Variants in RELB observed in about 807,000 individuals in gnomAD.
RELB encodes RELB proto-oncogene, NF-kB subunit.
A neutral mutation model predicts 55.4 loss-of-function variants in RELB; 14 were observed. The ratio of observed to expected loss-of-function variants is 0.25; its 90% CI spans 0.17 to 0.40. RELB has a LOEUF of 0.40. Among genes scored for constraint, RELB ranks in the 10% least tolerant of loss-of-function variants. The pLI, the probability that RELB is intolerant of heterozygous loss-of-function variation, is 1.00. For synonymous variants in RELB, 409 were observed against 371.3 expected (o/e 1.10, Z -1.17); for missense variants, 669 against 830.7 (o/e 0.81, Z 2.39).
At chr19:45,005,900 G>A (rs1028771886) in intron 2 of RELB, among the ~76,000 whole-genome samples, 5 of 151,964 alleles carry the variant, frequency 3.3e-5, no homozygotes, top group South Asian at 2.1e-4. Context: ...CACCGTGCCC[G>A]GCCAAGGCTG....
intron 4 of RELB, among the ~76,000 whole-genome samples, chr19:45,016,854 CAAACA>C (rs1971425794): frequency 2.7e-5 from 4 of 146,686 alleles, no homozygotes; most frequent in Admixed American, 2.7e-4. Context: ...GTCTTAAAAA[CAAACA>C]AACAAACAAA....
intron 2 of RELB, among the ~76,000 whole-genome samples, chr19:45,004,210 G>A (rs546104862): frequency 7.4e-5 from 11 of 149,462 alleles, no homozygotes; most frequent in Admixed American, 4.7e-4. Flanking sequence ...GAGCCACCTC[G>A]CCTGGCCAGA....
chr19:45,016,953 G>T (rs1971426635), intron 4 of RELB, among the ~76,000 whole-genome samples: 2 of 152,120 alleles, frequency 1.3e-5, no homozygotes, highest in African/African-American at 4.8e-5. Flanking sequence ...CGAATCTTTG[G>T]CAGGATGTTC....
At chr19:45,020,553 C>CTTTTTTTTTTTTTTTTTTTTTTTTTTTT (rs34030158) in intron 4 of RELB, among the ~76,000 whole-genome samples, 1 of 86,554 alleles carries the variant, frequency 1.2e-5, no homozygotes, top group Non-Finnish European at 2.1e-5. Context: ...TGGCACCCAT[C>CTTTTTTTTTTTTTTTTTTTTTTTTTTTT]TTTTTTTTTT....
rs759691046 is a variant in RELB at position 45,019,165 on chromosome 19, C to A, written c.505-2888C>A. On this transcript the variant is annotated intron_variant, in intron 4 of 11. Transcript: ENST00000221452. ...GAAGCCCGGATCTCCAGGGTTCAAG[C>A]AGTTTTCCCATCTTAGCCTCCTGAG... Among the ~76,000 whole-genome samples, 71 of 152,010 alleles carry A rather than the reference C, an allele frequency of 4.7e-4. 1 individual carries two copies. Among genetic ancestry groups the A allele is most frequent in the Non-Finnish European group, 7.5e-4 (51 of 67,994 alleles).
intron 4 of RELB, among the ~76,000 whole-genome samples, chr19:45,017,454 A>AAAAAAAAAAACAAAAAAAAACAAAC (rs1971433294): frequency 6.6e-6 from 1 of 151,050 alleles, no homozygotes; most frequent in African/African-American, 2.4e-5. Context: ...CTGTCTAAAA[A>AAAAAAAAAAACAAAAAAAAACAAAC]AAAAAAAAAC....
At chr19:45,003,925 T>TTG (rs1555724879) in intron 2 of RELB, among the ~76,000 whole-genome samples, 1 of 126,036 alleles carries the variant, frequency 7.9e-6, no homozygotes, top group Non-Finnish European at 1.7e-5. Context: ...GTTTTTTTTT[T>TTG]TTTTTTTTTT....
chr19:45,026,718 C>T (rs548903741), intron 7 of RELB, among the ~76,000 whole-genome samples: 1 of 152,190 alleles, frequency 6.6e-6, no homozygotes, highest in South Asian at 2.1e-4. Context: ...TAGACTTCTG[C>T]TTATTTTTCA....
Position 45,012,294 on chromosome 19 carries a change from C to T in RELB, c.504+18C>T. ...CCATCGAGGTGGGCCCGGCGAGCGGCCCCGGGCGGGTGGGACTGGGGCTTC... is the reference window on the plus strand; with the variant it reads ...CCATCGAGGTGGGCCCGGCGAGCGGTCCCGGGCGGGTGGGACTGGGGCTTC... On this transcript the variant is annotated intron_variant, in intron 4 of 11. Transcript: ENST00000221452. 6 of 1,376,962 alleles carry T rather than the reference C, an allele frequency of 4.4e-6. No homozygotes were observed. Among genetic ancestry groups the T allele is most frequent in the Non-Finnish European group, 5.6e-6 (6 of 1,070,888 alleles). The allele number at this position is 1,376,962 out of a possible 1,614,324, so 85.3% of individuals were successfully genotyped here. A position where few individuals can be genotyped will look rare whatever the true frequency, so the allele number is the denominator to read the frequency against.
chr19:45,006,881 C>T (rs373041447), intron 2 of RELB, among the ~76,000 whole-genome samples: 1 of 147,516 alleles, frequency 6.8e-6, no homozygotes, highest in Non-Finnish European at 1.5e-5. Flanking sequence ...CTTGAACCTG[C>T]GAGGCGGAGG....
chr19:45,021,098 C>G (rs1971480303), intron 4 of RELB, among the ~76,000 whole-genome samples: 2 of 151,988 alleles, frequency 1.3e-5, no homozygotes, highest in South Asian at 4.1e-4. Flanking sequence ...TCCCTTGAGC[C>G]CGGAGGCGGA....
intron 2 of RELB, among the ~76,000 whole-genome samples, chr19:45,005,820 T>A (rs1971275901): frequency 6.6e-6 from 1 of 152,212 alleles, no homozygotes; most frequent in African/African-American, 2.4e-5. Flanking sequence ...GCCAGGCCGG[T>A]CTGGAACTCC....
intron 3 of RELB, among the ~76,000 whole-genome samples, 170 bp downstream of exon 3, chr19:45,009,992 T>C (rs1369411217): frequency 6.6e-6 from 1 of 152,014 alleles, no homozygotes; most frequent in African/African-American, 2.4e-5. Flanking sequence ...TTAGCAGTGC[T>C]TGACACTTGG....
Position 45,034,301 on chromosome 19 carries a change from T to A in RELB, c.1265T>A (p.Leu422Gln). 6.2e-7 allele frequency: 1 copy of A among 1,613,956 alleles called. No individual in the cohort carries two copies. Among genetic ancestry groups the A allele is most frequent in the Non-Finnish European group, 8.5e-7 (1 of 1,179,830 alleles). The part of the protein sequence containing the change: ...KRGMPDVLGE[L>Q]NSSDPHGIES... ...GGGATGCCCGACGTCCTTGGGGAGC[T>A]GAACAGCTCTGGTGTGTGCCCTCTG... The change falls in exon 10 of 12, where the codon CTG becomes CAG. Residue 422 changes from leucine (L) to glutamine (Q), a missense_variant. Leu to Gln is a moderately radical substitution (Grantham distance 113). Transcript: ENST00000221452.
chr19:45,027,243 A>G lies in RELB; in HGVS notation c.886+1506A>G, dbSNP rs1025080318. Reference sequence around the variant, plus strand: ...GCGAGACTCCTTCTCAAAAAAAAAAAAAAAGAATCCTTACTTAAATAGGCT... The same window carrying G: ...GCGAGACTCCTTCTCAAAAAAAAAAGAAAAGAATCCTTACTTAAATAGGCT... On this transcript the variant is annotated intron_variant, in intron 7 of 11. Transcript: ENST00000221452. Among the ~76,000 whole-genome samples the G allele has an allele frequency of 1.4e-3, 218 of 151,884 alleles. 2 individuals are homozygous for G. The highest frequency in any genetic ancestry group is 4.9e-3 in the African/African-American group (204 of 41,460).
intron 7 of RELB, among the ~76,000 whole-genome samples, chr19:45,028,360 GT>G (rs201897835): frequency 0.018 from 2,672 of 151,904 alleles, 35 homozygotes; most frequent in South Asian, 0.058. Context: ...TTGTTTGTTT[GT>G]TTTTTGTTTT....
At chr19:45,007,697 A>G (rs1350472183) in intron 2 of RELB, among the ~76,000 whole-genome samples, 2 of 151,982 alleles carry the variant, frequency 1.3e-5, no homozygotes, top group African/African-American at 4.8e-5. Context: ...GTCTCTACTA[A>G]AAGTACAAAA....
intron 8 of RELB, among the ~76,000 whole-genome samples, chr19:45,030,485 A>G (rs1359327159): frequency 6.6e-6 from 1 of 152,120 alleles, no homozygotes; most frequent in African/African-American, 2.4e-5. Context: ...TATAAAAATT[A>G]GCTGGGTGTG....
At chr19:45,006,522 T>G (rs902946558) in intron 2 of RELB, among the ~76,000 whole-genome samples, 1 of 151,778 alleles carries the variant, frequency 6.6e-6, no homozygotes, top group Non-Finnish European at 1.5e-5. Flanking sequence ...CCCTTCATTG[T>G]GAAGGGCCAG....
Sources: gnomAD v4.1 joint callset for allele counts (sites outside exome capture counted in the v4.1 genomes callset) on GRCh38, gnomAD v4.1.1 for gene constraint, MANE v1.5 for transcripts, NCBI Gene and HGNC (gene_info 2026-07-23, HGNC 2026-07-21) for gene names.